The following WNT3 variants were observed in gnomAD, a reference collection of about 807,000 sequenced individuals.
WNT3 encodes proto-oncogene Wnt-3.
WNT3 carries 7 observed loss-of-function variants against 34.2 expected under a neutral mutation model. That is an observed-to-expected ratio of 0.20 (90% CI 0.12 to 0.38). The LOEUF is 0.38. Ranked by LOEUF, WNT3 falls within the 10% of genes least tolerant of loss-of-function variation. WNT3 has a pLI of 1.00. For missense variants in WNT3, 267 were observed against 499.8 expected, an observed-to-expected ratio of 0.53 and a Z score of 4.44; for synonymous variants, 212 against 211.5, an observed-to-expected ratio of 1.00 and a Z score of -0.02.
At chr17:46,769,657 G>T in intron 3 of WNT3, 126 bp downstream of exon 3, 1 of 1,335,748 alleles carries the variant, frequency 7.5e-7, no homozygotes, top group Non-Finnish European at 1.0e-6. Flanking sequence ...GCCAAGCCTG[G>T]CCAAGGGGAA....
At chr17:46,815,794 A>C (rs1389626908) in intron 1 of WNT3, among the ~76,000 whole-genome samples, 1 of 152,190 alleles carries the variant, frequency 6.6e-6, no homozygotes, top group Non-Finnish European at 1.5e-5. Flanking sequence ...TGCCCCCTGC[A>C]GCCACCTTGT....
intron 1 of WNT3, among the ~76,000 whole-genome samples, chr17:46,784,830 C>T (rs2059489192): frequency 6.8e-6 from 1 of 147,982 alleles, no homozygotes; most frequent in South Asian, 2.1e-4. Flanking sequence ...GGCTGGAGTG[C>T]AGTGGCGCGA....
At chr17:46,777,690 CACA>C (rs1183671322) in intron 1 of WNT3, among the ~76,000 whole-genome samples, 2 of 152,336 alleles carry the variant, frequency 1.3e-5, no homozygotes, top group Non-Finnish European at 2.9e-5. Context: ...ACTGAATCCT[CACA>C]ACAACTCTGG....
intron 1 of WNT3, among the ~76,000 whole-genome samples, chr17:46,808,643 G>A (rs2084228335): frequency 6.6e-6 from 1 of 152,102 alleles, no homozygotes; most frequent in Admixed American, 6.5e-5. Context: ...CATAGCACAT[G>A]GTCAACAAAC....
intron 1 of WNT3, among the ~76,000 whole-genome samples, chr17:46,786,474 T>G (rs2059507550): frequency 6.6e-6 from 1 of 152,186 alleles, no homozygotes; most frequent in Non-Finnish European, 1.5e-5. Flanking sequence ...GGCAGGGACC[T>G]CACTCTTCAG....
chr17:46,805,934 A>C (rs2084188440), intron 1 of WNT3, among the ~76,000 whole-genome samples: 1 of 152,226 alleles, frequency 6.6e-6, no homozygotes, highest in Non-Finnish European at 1.5e-5. Context: ...GGGGTTTACC[A>C]ACCATGGAGC....
chr17:46,797,997 C>T (rs1568090442), intron 1 of WNT3, among the ~76,000 whole-genome samples: 2 of 152,040 alleles, frequency 1.3e-5, no homozygotes, highest in Non-Finnish European at 2.9e-5. Flanking sequence ...GGCGTGATCC[C>T]GGCTCTCTGC....
At chr17:46,815,660 A>G (rs1314345110) in intron 1 of WNT3, among the ~76,000 whole-genome samples, 3 of 152,134 alleles carry the variant, frequency 2.0e-5, no homozygotes, top group Non-Finnish European at 4.4e-5. Context: ...CCCCAGCTCC[A>G]AGACCAAAGA....
chr17:46,801,799 C>T (rs1267944621), intron 1 of WNT3, among the ~76,000 whole-genome samples: 2 of 152,138 alleles, frequency 1.3e-5, no homozygotes, highest in Admixed American at 1.3e-4. Flanking sequence ...CACTGTGGGT[C>T]TGCCAAGGGA....
intron 1 of WNT3, among the ~76,000 whole-genome samples, chr17:46,790,296 T>C (rs1422823801): frequency 6.6e-6 from 1 of 152,134 alleles, no homozygotes; most frequent in Non-Finnish European, 1.5e-5. Flanking sequence ...CAGGACTTCA[T>C]TACACATTCC....
chr17:46,817,317 C>G (rs1266501762), intron 1 of WNT3, among the ~76,000 whole-genome samples: 1 of 152,200 alleles, frequency 6.6e-6, no homozygotes, highest in Non-Finnish European at 1.5e-5. Context: ...GACTTTCACC[C>G]CGGGGGCCAC....
At chr17:46,806,741 C>T (rs2084202510) in intron 1 of WNT3, among the ~76,000 whole-genome samples, 1 of 152,224 alleles carries the variant, frequency 6.6e-6, no homozygotes, top group Non-Finnish European at 1.5e-5. Context: ...ATGTGTTGCC[C>T]AAGGGCAGAA....
intron 1 of WNT3, among the ~76,000 whole-genome samples, chr17:46,812,139 A>G (rs190517021): frequency 1.4e-3 from 218 of 151,682 alleles, no homozygotes; most frequent in African/African-American, 5.0e-3. Context: ...CTCTTTTCCC[A>G]CCTTCTCCAC....
chr17:46,780,740 G>A (rs575350054), intron 1 of WNT3, among the ~76,000 whole-genome samples: 1 of 152,132 alleles, frequency 6.6e-6, no homozygotes, highest in East Asian at 1.9e-4. Flanking sequence ...TGGCGCCACT[G>A]CGCTCCAGCC....
intron 1 of WNT3, among the ~76,000 whole-genome samples, chr17:46,800,378 T>C (rs2084108980): frequency 6.6e-6 from 1 of 152,192 alleles, no homozygotes; most frequent in Admixed American, 6.5e-5. Flanking sequence ...CCCAAAGTGC[T>C]GGGATTACAG....
Position 46,807,272 on chromosome 17 carries a change from C to T in WNT3, c.80+11246G>A, listed in dbSNP as rs560705170. Among the ~76,000 whole-genome samples, 3 of 152,336 alleles carry T rather than the reference C, an allele frequency of 2.0e-5. No individual in the cohort carries two copies. In the East Asian group the frequency reaches 5.8e-4, roughly 29 times the overall value. ...CCGAGGCAGGTGGATCACTTGATGT[C>T]AGGAGTTTGATACCAGCCTGACCAA... On this transcript the variant is annotated intron_variant, in intron 1 of 4. Transcript: ENST00000225512.
chr17:46,768,296 C>A lies in WNT3; in HGVS notation c.*8+16G>T, dbSNP rs746024824. 2.5e-6 allele frequency: 4 copies of A among 1,612,952 alleles called. No homozygotes were observed. The highest frequency in any genetic ancestry group is 3.4e-6 in the Non-Finnish European group (4 of 1,180,022). Reference sequence around the variant, plus strand: ...GCCCAGGCTCCCAGCCTCCCCCCTGCTTCCCGGAGCCCTACCTGGTGCCCT... The same window carrying A: ...GCCCAGGCTCCCAGCCTCCCCCCTGATTCCCGGAGCCCTACCTGGTGCCCT... On this transcript the variant is annotated intron_variant, in intron 4 of 4. Coordinates refer to ENST00000225512, the MANE Select transcript of WNT3 (RefSeq NM_030753.5). This position sits in a 1 kb window ranked among gnomAD's most constrained non-coding sequence, Gnocchi z 5.0.
intron 4 of WNT3, among the ~76,000 whole-genome samples, chr17:46,765,002 A>T (rs1469209214): frequency 1.3e-5 from 2 of 152,248 alleles, no homozygotes; most frequent in African/African-American, 4.8e-5. Context: ...CCAGGCATGC[A>T]CTGTGTTTTT....
intron 1 of WNT3, among the ~76,000 whole-genome samples, chr17:46,799,712 T>C (rs2084100255): frequency 6.6e-6 from 1 of 152,270 alleles, no homozygotes; most frequent in Non-Finnish European, 1.5e-5. Context: ...CCTCCCAAAA[T>C]GTAGGGATTA....
Sources: allele counts gnomAD v4.1 joint callset (sites outside exome capture counted in the v4.1 genomes callset), GRCh38; gene constraint gnomAD v4.1.1; non-coding constraint Gnocchi (gnomAD v3.1); transcripts MANE v1.5; gene names NCBI Gene and HGNC (gene_info 2026-07-23, HGNC 2026-07-21).